Variants in HNRNPF observed in about 807,000 individuals in gnomAD.
HNRNPF encodes the protein heterogeneous nuclear ribonucleoprotein F, also known as HnRNP F protein.
HNRNPF carries 2 observed loss-of-function variants against 26.0 expected under a neutral mutation model. That is an observed-to-expected ratio of 0.08 (90% confidence interval 0.03 to 0.24). The LOEUF (loss-of-function observed/expected upper bound fraction) is 0.24. HNRNPF is among the 10% of genes least tolerant of loss of function. HNRNPF has a pLI of 1.00. For missense variants in HNRNPF, 299 were observed against 539.2 expected (o/e 0.55, Z 4.41); for synonymous variants, 234 against 211.5 (o/e 1.11, Z -0.92).
intron 2 of HNRNPF, among the ~76,000 whole-genome samples, chr10:43,395,806 A>T (rs1381075480): frequency 1.3e-5 from 2 of 152,262 alleles, no homozygotes; most frequent in African/African-American, 2.4e-5. Context: ...GTCTCTGGGG[A>T]CATGCACAAG....
At chr10:43,402,854 A>G (rs1838795116) in intron 1 of HNRNPF, among the ~76,000 whole-genome samples, 1 of 151,570 alleles carries the variant, frequency 6.6e-6, no homozygotes. Flanking sequence ...TAAATCTAAT[A>G]GGAGTCTTAA....
chr10:43,392,991 G>A (rs1179437680), intron 3 of HNRNPF, among the ~76,000 whole-genome samples: 1 of 152,176 alleles, frequency 6.6e-6, no homozygotes, highest in Non-Finnish European at 1.5e-5. Flanking sequence ...GGAAACTGGA[G>A]TAATCCTTGA....
At chr10:43,394,432 A>C (rs1385069819) in intron 3 of HNRNPF, among the ~76,000 whole-genome samples, 198 bp downstream of exon 3, 1 of 152,126 alleles carries the variant, frequency 6.6e-6, no homozygotes, top group African/African-American at 2.4e-5. Context: ...TTTACTCCAG[A>C]ATTGGTTTTC....
In HNRNPF at chr10:43,386,625, T is replaced by C; in HGVS notation, c.*12A>G. ...GAAAATGATTGAAGTAACTCAAATG[T>C]TCCTAACAAAACTAGTCATAGCCAC... On this transcript the variant is annotated 3_prime_UTR_variant, in exon 4 of 4. Coordinates refer to ENST00000682386, the MANE Select transcript of HNRNPF (RefSeq NM_001098204.2). 2 of 1,528,596 alleles carry C rather than the reference T, an allele frequency of 1.3e-6. No homozygotes were observed. Among genetic ancestry groups the C allele is most frequent in the South Asian group, 2.6e-5 (2 of 78,042 alleles). 94.7% of individuals were successfully genotyped at this position (1,528,596 alleles called of 1,614,324 possible). A position where few individuals can be genotyped will look rare whatever the true frequency, so the allele number is the denominator to read the frequency against.
At position 43,387,193 on chromosome 10, in the gene HNRNPF, A is replaced by C. The variant is rs1489535104; in HGVS notation, c.692T>G (p.Met231Arg). The C allele has an allele frequency of 7.4e-6, 12 of 1,614,024 alleles. No homozygotes were observed. Among genetic ancestry groups the C allele is most frequent in the Non-Finnish European group, 1.0e-5 (12 of 1,180,034 alleles). Residue 231 changes from methionine to arginine, a missense_variant, in exon 4 of 4, where the codon ATG becomes AGG. Physicochemically the swap from Met to Arg is moderately conservative, Grantham distance 91. Coordinates refer to ENST00000682386, the MANE Select transcript of HNRNPF (RefSeq NM_001098204.2). This position sits in a 1 kb window ranked among gnomAD's most constrained non-coding sequence, Gnocchi z 6.0. ...GIVKQAGLER[M>R]RPGAYSTGYG... The stretch of plus-strand genomic sequence containing the variant: ...GCCTGTGCTGTAGGCACCAGGCCTC[A>C]TCCTTTCCAGGCCTGCCTGCTTCAC...
chr10:43,389,571 G>A (rs1342455101), intron 3 of HNRNPF, among the ~76,000 whole-genome samples: 1 of 152,182 alleles, frequency 6.6e-6, no homozygotes, highest in East Asian at 1.9e-4. Flanking sequence ...AATTGACAAC[G>A]TCTAAAAGGA....
At chr10:43,391,763 TTTC>T (rs1156410268) in intron 3 of HNRNPF, among the ~76,000 whole-genome samples, 3 of 152,156 alleles carry the variant, frequency 2.0e-5, no homozygotes, top group African/African-American at 7.2e-5. Flanking sequence ...GGAGCCATGC[TTTC>T]TTCTTTTTTT....
intron 1 of HNRNPF, among the ~76,000 whole-genome samples, chr10:43,400,207 A>G (rs1838710081): frequency 6.6e-6 from 1 of 152,106 alleles, no homozygotes; most frequent in Admixed American, 6.5e-5. Context: ...ATAAAAACTG[A>G]GGGAAAAAAA....
At chr10:43,404,454 T>A (rs1270489305) in intron 1 of HNRNPF, among the ~76,000 whole-genome samples, 1 of 152,186 alleles carries the variant, frequency 6.6e-6, no homozygotes, top group East Asian at 1.9e-4. Context: ...ATAATGATCA[T>A]TAATAGCTGC....
chr10:43,407,892 G>C (rs1231935115), intron 1 of HNRNPF: 1 of 152,156 alleles, frequency 6.6e-6, no homozygotes, highest in African/African-American at 2.4e-5. Context: ...GCAGCCACGT[G>C]AGCGCGCGGC....
At chr10:43,396,988 G>A (rs1301051629) in intron 1 of HNRNPF, among the ~76,000 whole-genome samples, 3 of 152,000 alleles carry the variant, frequency 2.0e-5, no homozygotes, top group Non-Finnish European at 2.9e-5. Context: ...GGTGGGGGCT[G>A]CTCCCCGGCC....
At chr10:43,406,875 G>A (rs1422599698) in intron 1 of HNRNPF, among the ~76,000 whole-genome samples, 1 of 152,026 alleles carries the variant, frequency 6.6e-6, no homozygotes, top group Non-Finnish European at 1.5e-5. Flanking sequence ...AGATCTTCTT[G>A]CTTAGGAATA....
At chr10:43,407,236 G>T (rs926906508) in intron 1 of HNRNPF, among the ~76,000 whole-genome samples, 3 of 151,220 alleles carry the variant, frequency 2.0e-5, no homozygotes, top group African/African-American at 7.3e-5. Flanking sequence ...AGCCGCCGCC[G>T]CCGCCCGTTG....
At chr10:43,402,951 A>C (rs565310027) in intron 1 of HNRNPF, among the ~76,000 whole-genome samples, 3 of 152,180 alleles carry the variant, frequency 2.0e-5, no homozygotes, top group Admixed American at 2.0e-4. Flanking sequence ...CAGTACTGCA[A>C]TCACAACTCA....
At chr10:43,392,736 A>G (rs1299525817) in intron 3 of HNRNPF, among the ~76,000 whole-genome samples, 1 of 152,128 alleles carries the variant, frequency 6.6e-6, no homozygotes, top group Non-Finnish European at 1.5e-5. Context: ...CATTAACTGT[A>G]GGGAATCAGG....
At position 43,387,898 on chromosome 10, in the gene HNRNPF, G is replaced by C; in HGVS notation, c.-14C>G. 1.3e-6 allele frequency: 2 copies of C among 1,586,796 alleles called. No homozygotes were observed. The highest frequency in any genetic ancestry group is 1.7e-6 in the Non-Finnish European group (2 of 1,159,354). On this transcript the variant is annotated 5_prime_UTR_variant, in exon 4 of 4. Transcript: ENST00000682386. The surrounding 1 kb of genome is among the most constrained non-coding windows in gnomAD (Gnocchi z 6.0). ...GCCCAGCATCATGGACACTTGTCAGGGTGGGTGTCAGGTGATCTTGGGTGT... is the reference window on the plus strand; with the variant it reads ...GCCCAGCATCATGGACACTTGTCAGCGTGGGTGTCAGGTGATCTTGGGTGT...
intron 1 of HNRNPF, among the ~76,000 whole-genome samples, chr10:43,402,158 T>G (rs1588999011): frequency 6.7e-6 from 1 of 149,116 alleles, no homozygotes; most frequent in African/African-American, 2.5e-5. Context: ...TAAAACTGAG[T>G]TTTAAATTTA....
At chr10:43,389,265 C>T (rs1359713427) in intron 3 of HNRNPF, among the ~76,000 whole-genome samples, 1 of 152,124 alleles carries the variant, frequency 6.6e-6, no homozygotes, top group Non-Finnish European at 1.5e-5. Flanking sequence ...AGCCACCATG[C>T]ACAGCTGGAA....
intron 2 of HNRNPF, 71 bp from the exon 3 acceptor site, chr10:43,394,759 C>G (rs191339826): frequency 6.6e-6 from 1 of 152,190 alleles, no homozygotes; most frequent in Non-Finnish European, 1.5e-5. Flanking sequence ...GATCAGAACT[C>G]CAGGTAAGGA....
Sources: gnomAD v4.1 joint callset for allele counts (sites outside exome capture counted in the v4.1 genomes callset) on GRCh38, gnomAD v4.1.1 for gene constraint, Gnocchi (gnomAD v3.1) non-coding constraint, MANE v1.5 for transcripts, NCBI Gene and HGNC (gene_info 2026-07-23, HGNC 2026-07-21) for gene names.